The following NAV2 variants were observed in gnomAD, a reference collection of about 807,000 sequenced individuals.
NAV2 encodes neuron navigator 2, also known as helicase, APC down-regulated 1.
Under a neutral mutation model 223.2 loss-of-function variants are expected in NAV2, and 54 were observed. The ratio of observed to expected loss-of-function variants is 0.24; its 90% CI spans 0.19 to 0.30. The LOEUF is 0.30. NAV2 is among the 10% of genes least tolerant of loss of function. NAV2 has a pLI of 1.00. For missense variants in NAV2, 2,806 were observed against 3,147.5 expected, an observed-to-expected ratio of 0.89 and a Z score of 2.60; for synonymous variants, 1,279 against 1,239.3, an observed-to-expected ratio of 1.03 and a Z score of -0.67.
intron 1 of NAV2, among the ~76,000 whole-genome samples, chr11:19,379,929 T>C (rs1284045448): frequency 2.6e-5 from 4 of 152,064 alleles, no homozygotes; most frequent in Non-Finnish European, 5.9e-5. Flanking sequence ...CAAAAACAGA[T>C]TTAATTAACA....
intron 32 of NAV2, among the ~76,000 whole-genome samples, chr11:20,102,768 C>T (rs996048079): frequency 6.6e-6 from 1 of 152,106 alleles, no homozygotes; most frequent in African/African-American, 2.4e-5. Flanking sequence ...AGCCAATGCC[C>T]CACCCGTTCT....
chr11:20,032,064 T>C (rs577021452), intron 11 of NAV2, among the ~76,000 whole-genome samples: 1 of 152,348 alleles, frequency 6.6e-6, no homozygotes, highest in African/African-American at 2.4e-5. Context: ...ACTAAGTGAC[T>C]TTATGTCAAG....
rs531362629 is a variant in NAV2, at chr11:19,404,486, A to G, written c.75+53459A>G. ...GGGAAAGATCAGAATTCATTGGCCT[A>G]TGAGGCCAATAGTGAGAAATCAACC... On this transcript the variant is annotated intron_variant, in intron 1 of 37. Transcript: ENST00000360655. 1.9e-3 allele frequency among the ~76,000 whole-genome samples: 295 copies of G among 152,328 alleles called. 1 individual carries two copies. The highest frequency in any genetic ancestry group is 3.4e-3 in the Middle Eastern group (1 of 294).
intron 1 of NAV2, among the ~76,000 whole-genome samples, chr11:19,477,280 T>C (rs1291480954): frequency 2.0e-5 from 3 of 152,252 alleles, no homozygotes; most frequent in Non-Finnish European, 4.4e-5. Flanking sequence ...TGCTGTTCTC[T>C]GTTTTCTGCA....
intron 1 of NAV2, among the ~76,000 whole-genome samples, chr11:19,392,383 A>AT (rs5790071): frequency 0.044 from 6,579 of 149,824 alleles, 191 homozygotes; most frequent in Admixed American, 0.079. Flanking sequence ...CAGCAGGGTG[A>AT]TTTTTTTTTT....
intron 1 of NAV2, among the ~76,000 whole-genome samples, chr11:19,559,039 G>A (rs2045004282): frequency 6.6e-6 from 1 of 152,188 alleles, no homozygotes; most frequent in African/African-American, 2.4e-5. Flanking sequence ...AAGTTACAAA[G>A]CCAGCCCAGA....
intron 22 of NAV2, among the ~76,000 whole-genome samples, chr11:20,072,123 A>G (rs998702738): frequency 6.6e-6 from 1 of 152,158 alleles, no homozygotes; most frequent in Non-Finnish European, 1.5e-5. Flanking sequence ...TATGAGGTGT[A>G]AGGAAGGGGT....
upstream of NAV2, among the ~76,000 whole-genome samples, chr11:19,349,330 C>A (rs1186793863): frequency 6.6e-6 from 1 of 152,216 alleles, no homozygotes; most frequent in Non-Finnish European, 1.5e-5. Flanking sequence ...TCCTTCTCCT[C>A]CTCCTCCTCC....
chr11:19,623,415 A>G (rs1405738276), intron 1 of NAV2, among the ~76,000 whole-genome samples: 1 of 152,146 alleles, frequency 6.6e-6, no homozygotes, highest in Admixed American at 6.5e-5. Flanking sequence ...TCAGACGTAG[A>G]TTTGGTCTTT....
chr11:19,662,619 G>A (rs936862821), intron 1 of NAV2, among the ~76,000 whole-genome samples: 2 of 152,222 alleles, frequency 1.3e-5, no homozygotes, highest in African/African-American at 2.4e-5. Flanking sequence ...TCAGTTGTCT[G>A]GCACCCCAGT....
intron 1 of NAV2, among the ~76,000 whole-genome samples, chr11:19,539,956 C>T (rs746793065): frequency 6.6e-6 from 1 of 152,094 alleles, no homozygotes; most frequent in Non-Finnish European, 1.5e-5. Flanking sequence ...GTTTCTGTCC[C>T]GATAGGAGCA....
chr11:19,740,924 A>C (rs2052743729), intron 1 of NAV2, among the ~76,000 whole-genome samples: 1 of 152,194 alleles, frequency 6.6e-6, no homozygotes, highest in Admixed American at 6.5e-5. Context: ...AGAGCCCAAG[A>C]GCCCACACTC....
intron 1 of NAV2, chr11:19,504,239 G>A (rs1338324048): frequency 2.6e-5 from 4 of 152,266 alleles, no homozygotes; most frequent in South Asian, 2.1e-4. Context: ...ATATCCACTC[G>A]GGAAGACAGT....
At chr11:19,643,212 C>T (rs184957879) in intron 1 of NAV2, among the ~76,000 whole-genome samples, 26 of 152,122 alleles carry the variant, frequency 1.7e-4, no homozygotes, top group East Asian at 5.8e-4. Flanking sequence ...ATGTGCACAA[C>T]GTGCACGTTT....
chr11:19,501,302 T>G (rs1426287121), intron 1 of NAV2, among the ~76,000 whole-genome samples: 2 of 152,220 alleles, frequency 1.3e-5, no homozygotes, highest in Non-Finnish European at 2.9e-5. Flanking sequence ...ATTCACAGAT[T>G]CCAGCAACTA....
At chr11:20,070,708 C>G (rs2059346175) in intron 22 of NAV2, among the ~76,000 whole-genome samples, 1 of 152,142 alleles carries the variant, frequency 6.6e-6, no homozygotes, top group Non-Finnish European at 1.5e-5. Context: ...TGTTTTTATA[C>G]CACTTGTGTT....
intron 1 of NAV2, among the ~76,000 whole-genome samples, chr11:19,358,791 A>G (rs1415778620): frequency 6.6e-6 from 1 of 152,198 alleles, no homozygotes; most frequent in African/African-American, 2.4e-5. Flanking sequence ...TTAAGTTAAA[A>G]TATTTCTCCT....
chr11:19,735,777 GT>G (rs1452548860), intron 1 of NAV2, among the ~76,000 whole-genome samples: 1 of 152,212 alleles, frequency 6.6e-6, no homozygotes, highest in Non-Finnish European at 1.5e-5. Context: ...GGGAGCTGGT[GT>G]GACTGTTTCA....
At chr11:19,887,826 A>G (rs1218924488) in intron 5 of NAV2, among the ~76,000 whole-genome samples, 1 of 152,140 alleles carries the variant, frequency 6.6e-6, no homozygotes, top group African/African-American at 2.4e-5. Context: ...TCGCCTGGCA[A>G]AAAGCATCTC....
Sources: allele counts gnomAD v4.1 joint callset (sites outside exome capture counted in the v4.1 genomes callset), GRCh38; gene constraint gnomAD v4.1.1; transcripts MANE v1.5; gene names NCBI Gene and HGNC (gene_info 2026-07-23, HGNC 2026-07-21).